Variants in CRADD observed in about 807,000 individuals in gnomAD.
CRADD encodes the protein death domain-containing protein CRADD.
A neutral mutation model predicts 15.5 loss-of-function variants in CRADD; 9 were observed. The ratio of observed to expected loss-of-function variants is 0.58; its 90% CI spans 0.35 to 1.01. The LOEUF (loss-of-function observed/expected upper bound fraction) is 1.01, where lower values mean the gene tolerates loss of function less well. CRADD is among the 50% of genes least tolerant of loss of function. CRADD has a pLI of 0.02. For synonymous variants in CRADD, 118 were observed against 107.6 expected, an observed-to-expected ratio of 1.10 and a Z score of -0.60; for missense variants, 227 against 250.3, an observed-to-expected ratio of 0.91 and a Z score of 0.63.
At chr12:93,788,208 G>A (rs1438923098) in intron 2 of CRADD, among the ~76,000 whole-genome samples, 3 of 152,154 alleles carry the variant, frequency 2.0e-5, no homozygotes, top group Admixed American at 6.6e-5. Context: ...GGAGGCCTCG[G>A]GAATTATGGT....
chr12:93,703,100 G>A (rs187064177), intron 2 of CRADD, among the ~76,000 whole-genome samples: 1 of 152,244 alleles, frequency 6.6e-6, no homozygotes, highest in Non-Finnish European at 1.5e-5. Flanking sequence ...CATGCTGACT[G>A]TGTTCTTGAG....
chr12:93,738,368 A>C (rs1264753464), intron 2 of CRADD: 1 of 702,288 alleles, frequency 1.4e-6, no homozygotes, highest in Non-Finnish European at 2.6e-6. Context: ...TCTCACCCTA[A>C]TTTAACCCTT....
intron 2 of CRADD, among the ~76,000 whole-genome samples, chr12:93,871,567 C>T (rs959740093): frequency 2.0e-5 from 3 of 152,132 alleles, no homozygotes; most frequent in Admixed American, 6.5e-5. Context: ...CAGCTCCCCA[C>T]GACCTTCCCA....
At chr12:93,885,140 GAA>G (rs1210876109) in intron 2 of CRADD, among the ~76,000 whole-genome samples, 4 of 152,212 alleles carry the variant, frequency 2.6e-5, no homozygotes, top group Non-Finnish European at 5.9e-5. Context: ...AAGGTTAACT[GAA>G]GTTTGGTGAG....
At chr12:93,726,258 C>A (rs1592933546) in intron 2 of CRADD, among the ~76,000 whole-genome samples, 1 of 152,160 alleles carries the variant, frequency 6.6e-6, no homozygotes, top group East Asian at 1.9e-4. Context: ...CACCCACCAC[C>A]ATGCCCAGCT....
At chr12:93,755,456 C>G (rs904476388) in intron 2 of CRADD, among the ~76,000 whole-genome samples, 1 of 152,174 alleles carries the variant, frequency 6.6e-6, no homozygotes, top group Admixed American at 6.5e-5. Context: ...ACTAACTACC[C>G]TATGATTTTC....
intron 2 of CRADD, among the ~76,000 whole-genome samples, chr12:93,822,543 C>T (rs955475980): frequency 6.6e-6 from 1 of 152,118 alleles, no homozygotes; most frequent in Non-Finnish European, 1.5e-5. Context: ...TCCTGGGCTC[C>T]TTCTTCATAA....
chr12:93,728,229 A>G (rs999280199), intron 2 of CRADD, among the ~76,000 whole-genome samples: 1 of 152,254 alleles, frequency 6.6e-6, no homozygotes. Flanking sequence ...GCAGCTATCT[A>G]TAATTGATAA....
chr12:93,860,483 C>T (rs76561645), intron 2 of CRADD, among the ~76,000 whole-genome samples: 10,669 of 152,136 alleles, frequency 0.07, 495 homozygotes, highest in African/African-American at 0.12. Flanking sequence ...TAATTTCTCC[C>T]CTTGAGCCCC....
At chr12:93,777,457 G>T (rs1302749384) in intron 2 of CRADD, among the ~76,000 whole-genome samples, 1 of 152,184 alleles carries the variant, frequency 6.6e-6, no homozygotes, top group Non-Finnish European at 1.5e-5. Flanking sequence ...TCCAGCATTT[G>T]GAAAAGGAAG....
intron 2 of CRADD, among the ~76,000 whole-genome samples, chr12:93,800,080 T>C (rs1022243730): frequency 6.6e-6 from 1 of 152,120 alleles, no homozygotes; most frequent in Admixed American, 6.5e-5. Context: ...AACAGATAGG[T>C]AGATAAATAT....
At chr12:93,882,711 T>C (rs1958511385) in intron 2 of CRADD, among the ~76,000 whole-genome samples, 1 of 152,188 alleles carries the variant, frequency 6.6e-6, no homozygotes, top group African/African-American at 2.4e-5. Flanking sequence ...TACCTATACA[T>C]AAATCAGTGG....
chr12:93,791,218 G>A (rs901312088), intron 2 of CRADD, among the ~76,000 whole-genome samples: 1 of 152,042 alleles, frequency 6.6e-6, no homozygotes, highest in Non-Finnish European at 1.5e-5. Context: ...TAGCTGCACT[G>A]CCATGTTCAT....
At chr12:93,867,403 A>ATATATATTTTTT (rs985334638) in intron 2 of CRADD, among the ~76,000 whole-genome samples, 1 of 143,378 alleles carries the variant, frequency 7.0e-6, no homozygotes, top group African/African-American at 2.5e-5. Flanking sequence ...ATATATATAT[A>ATATATATTTTTT]TTTTTTAAAC....
intron 2 of CRADD, among the ~76,000 whole-genome samples, chr12:93,776,574 G>A (rs1012430108): frequency 6.6e-6 from 1 of 152,152 alleles, no homozygotes; most frequent in African/African-American, 2.4e-5. Context: ...AAAAGTAAGT[G>A]GCGGCCAAGA....
chr12:93,725,001 C>T (rs1472854691), intron 2 of CRADD, among the ~76,000 whole-genome samples: 1 of 152,118 alleles, frequency 6.6e-6, no homozygotes, highest in African/African-American at 2.4e-5. Context: ...GCTGGGACTT[C>T]AGGCACCCGC....
chr12:93,738,418 C>T (rs1012622973), intron 2 of CRADD: 1 of 702,244 alleles, frequency 1.4e-6, no homozygotes, highest in African/African-American at 1.7e-5. Context: ...CATCATCAGG[C>T]TTCCTAGAGA....
intron 2 of CRADD, among the ~76,000 whole-genome samples, chr12:93,758,181 G>C (rs1956912271): frequency 6.6e-6 from 1 of 152,192 alleles, no homozygotes; most frequent in African/African-American, 2.4e-5. Context: ...ACCATATATA[G>C]AATTAAAACC....
intron 2 of CRADD, among the ~76,000 whole-genome samples, chr12:93,722,274 C>T (rs188046553): frequency 6.6e-6 from 1 of 152,116 alleles, no homozygotes. Context: ...AGGAATTTTT[C>T]TTTATCTTTT....
Sources: allele counts gnomAD v4.1 joint callset (sites outside exome capture counted in the v4.1 genomes callset), GRCh38; gene constraint gnomAD v4.1.1; transcripts MANE v1.5; gene names NCBI Gene and HGNC (gene_info 2026-07-23, HGNC 2026-07-21).